Variants in RBFOX1 observed in about 807,000 individuals in gnomAD.
RBFOX1 encodes RNA binding fox-1 homolog 1.
A neutral mutation model predicts 57.7 loss-of-function variants in RBFOX1; 8 were observed. That is an observed-to-expected ratio of 0.14 (90% confidence interval 0.08 to 0.25). The LOEUF is 0.25. Among genes scored for constraint, RBFOX1 ranks in the 10% least tolerant of loss-of-function variants. The probability of loss-of-function intolerance (pLI) is 1.00; values close to 1 mark genes in which losing one functional copy is unlikely to be tolerated. For missense variants in RBFOX1, 611 were observed against 548.5 expected, an observed-to-expected ratio of 1.11 and a Z score of -1.14; for synonymous variants, 326 against 222.4, an observed-to-expected ratio of 1.47 and a Z score of -4.15.
rs752770034 is a variant in RBFOX1 at position 7,518,266 on chromosome 16, G to T, written c.147G>T (p.Ala49=). ...AEYTAPHPHP[A]PEYTGQTTVP... ...ACACGGCCCCTCATCCCCACCCCGC[G>T]CCAGAGTACACAGGCCAGACCACGG... The change falls in exon 5 of 16, where the codon GCG becomes GCT. Residue 49 remains alanine, a synonymous_variant. Coordinates refer to ENST00000550418, the MANE Select transcript of RBFOX1 (RefSeq NM_018723.4). 1.2e-6 allele frequency: 2 copies of T among 1,613,958 alleles called. No homozygotes were observed. The highest frequency in any genetic ancestry group is 1.1e-5 in the South Asian group (1 of 91,050).
intron 3 of RBFOX1, among the ~76,000 whole-genome samples, chr16:6,876,202 G>GCAAAA (rs1180584781): frequency 2.0e-5 from 3 of 151,692 alleles, no homozygotes; most frequent in African/African-American, 7.3e-5. Flanking sequence ...ACAAAGCAAA[G>GCAAAA]CAAAACAAAA....
intron 1 of RBFOX1, among the ~76,000 whole-genome samples, chr16:5,452,713 G>T (rs1162389074): frequency 6.6e-6 from 1 of 151,266 alleles, no homozygotes; most frequent in Admixed American, 6.6e-5. Flanking sequence ...GCGTGGTCCT[G>T]GCTCACTGCA....
rs549918176 is a variant in RBFOX1 at position 6,418,480 on chromosome 16, T to C, written c.-64+101423T>C. Among the ~76,000 whole-genome samples, 5 of 151,478 alleles carry C rather than the reference T, an allele frequency of 3.3e-5. No homozygotes were observed. In the East Asian group the frequency reaches 7.8e-4, roughly 24 times the overall value. ...ATCTGAGAGGGACTTGGAATTCACA[T>C]CATCTACAATTTTGGACAGATGTCT... On this transcript the variant is annotated intron_variant, in intron 2 of 15. Coordinates refer to ENST00000550418, the MANE Select transcript of RBFOX1 (RefSeq NM_018723.4).
At chr16:6,319,400 T>C (rs2081494662) in intron 2 of RBFOX1, among the ~76,000 whole-genome samples, 1 of 152,226 alleles carries the variant, frequency 6.6e-6, no homozygotes, top group African/African-American at 2.4e-5. Context: ...CCACAGCATT[T>C]ACTGTCGTGT....
Position 6,696,035 on chromosome 16 carries a change from G to A in RBFOX1, c.-16+41385G>A, listed in dbSNP as rs113925534. Among the ~76,000 whole-genome samples the A allele has an allele frequency of 2.5e-3, 388 of 152,280 alleles. 3 individuals are homozygous for A. Among genetic ancestry groups the A allele is most frequent in the African/African-American group, 8.9e-3 (370 of 41,564 alleles). Reference sequence around the variant, plus strand: ...CGTATCCACTTAAACTGGCAAAGACGTTTACCTTGCTTGAGGCAATTGTTG... The same window carrying A: ...CGTATCCACTTAAACTGGCAAAGACATTTACCTTGCTTGAGGCAATTGTTG... On this transcript the variant is annotated intron_variant, in intron 3 of 15. Transcript: ENST00000550418.
At position 5,856,280 on chromosome 16, in the gene RBFOX1, T is replaced by TAC. The variant is rs1567631521; in HGVS notation, c.319-11022_319-11021insCA. ...ATATATGTATATATATATACACATA[T>TAC]ATATACACACACACACACACACACA... On this transcript the variant is annotated intron_variant, in intron 3 of 19. Coordinates refer to the RBFOX1 transcript ENST00000641259. 6.7e-4 allele frequency among the ~76,000 whole-genome samples: 19 copies of TAC among 28,514 alleles called. 2 individuals are homozygous for TAC. Among genetic ancestry groups the TAC allele is most frequent in the African/African-American group, 2.1e-3 (19 of 9,228 alleles). The allele number at this position is 28,514 out of a possible 152,430, so 18.7% of individuals were successfully genotyped here.
At chr16:7,081,182 A>C (rs983075324) in intron 4 of RBFOX1, among the ~76,000 whole-genome samples, 5 of 152,126 alleles carry the variant, frequency 3.3e-5, no homozygotes, top group African/African-American at 1.2e-4. Context: ...TTACAGGTGC[A>C]CACCACCACA....
At chr16:5,591,239 C>T (rs1045126311) in intron 2 of RBFOX1, among the ~76,000 whole-genome samples, 4 of 150,704 alleles carry the variant, frequency 2.7e-5, no homozygotes, top group African/African-American at 9.8e-5. Context: ...CCTTTTCCTT[C>T]TCCAAAATGA....
intron 3 of RBFOX1, among the ~76,000 whole-genome samples, chr16:7,011,600 G>A (rs549361584): frequency 3.9e-5 from 6 of 152,204 alleles, no homozygotes; most frequent in Admixed American, 6.5e-5. Flanking sequence ...TGCAAGCTCC[G>A]CATCCCGGGT....
At chr16:6,031,152 C>A (rs2095283131) in intron 1 of RBFOX1, among the ~76,000 whole-genome samples, 1 of 152,144 alleles carries the variant, frequency 6.6e-6, no homozygotes, top group Non-Finnish European at 1.5e-5. Flanking sequence ...TATTGGGCCA[C>A]ATTTAAGCTA....
intron 5 of RBFOX1, among the ~76,000 whole-genome samples, chr16:7,571,343 A>C (rs1309220995): frequency 6.6e-6 from 1 of 152,142 alleles, no homozygotes; most frequent in African/African-American, 2.4e-5. Context: ...ACAGAATCCA[A>C]AAGGCATGTA....
chr16:6,082,214 T>G (rs117709797), intron 1 of RBFOX1, among the ~76,000 whole-genome samples: 2,986 of 139,908 alleles, frequency 0.021, 54 homozygotes, highest in Middle Eastern at 0.076. Context: ...GGATCCTTAC[T>G]CTGTCACCCA....
chr16:7,183,593 C>T (rs1233954419), intron 4 of RBFOX1, among the ~76,000 whole-genome samples: 1 of 151,856 alleles, frequency 6.6e-6, no homozygotes, highest in Non-Finnish European at 1.5e-5. Flanking sequence ...TATTTTTTTT[C>T]CAGGCTTTCA....
At chr16:7,212,693 G>A (rs938495984) in intron 4 of RBFOX1, among the ~76,000 whole-genome samples, 3 of 152,092 alleles carry the variant, frequency 2.0e-5, no homozygotes, top group African/African-American at 4.8e-5. Flanking sequence ...AATAACTTAC[G>A]CTACATGAGG....
intron 4 of RBFOX1, among the ~76,000 whole-genome samples, chr16:7,147,404 A>C (rs1050726242): frequency 1.1e-4 from 17 of 150,734 alleles, no homozygotes; most frequent in African/African-American, 4.1e-4. Flanking sequence ...TTGGTAGACA[A>C]ATGATCCTGT....
At chr16:5,500,242 ATTCTG>A (rs1187489294) in intron 2 of RBFOX1, among the ~76,000 whole-genome samples, 2 of 141,036 alleles carry the variant, frequency 1.4e-5, no homozygotes, top group African/African-American at 5.3e-5. Context: ...ATTCCATTCC[ATTCTG>A]TTCCATTCGT....
intron 1 of RBFOX1, among the ~76,000 whole-genome samples, chr16:6,237,294 T>C (rs1042485480): frequency 6.6e-6 from 1 of 152,206 alleles, no homozygotes; most frequent in Non-Finnish European, 1.5e-5. Context: ...AAGGTGGAAG[T>C]AAATCCTACT....
intron 3 of RBFOX1, among the ~76,000 whole-genome samples, chr16:6,994,688 G>C (rs1171764893): frequency 6.6e-6 from 1 of 152,124 alleles, no homozygotes; most frequent in Non-Finnish European, 1.5e-5. Context: ...CACCCGAAAG[G>C]ATCCTGGTTG....
intron 3 of RBFOX1, among the ~76,000 whole-genome samples, chr16:6,987,456 G>GACACACACACACACAC (rs199503873): frequency 7.4e-6 from 1 of 135,418 alleles, no homozygotes; most frequent in Non-Finnish European, 1.6e-5. Flanking sequence ...AAACTTTTCA[G>GACACACACACACACAC]ACACACACAC....
Sources: gnomAD v4.1 joint callset for allele counts (sites outside exome capture counted in the v4.1 genomes callset) on GRCh38, gnomAD v4.1.1 for gene constraint, MANE v1.5 for transcripts, NCBI Gene and HGNC (gene_info 2026-07-23, HGNC 2026-07-21) for gene names.